SLC8A1: variants seen among roughly 807,000 people sequenced by gnomAD.
SLC8A1 encodes solute carrier family 8 member A1.
Under a neutral mutation model 68.3 loss-of-function variants are expected in SLC8A1, and 18 were observed. That is an observed-to-expected ratio of 0.26 (90% CI 0.18 to 0.39). The LOEUF (loss-of-function observed/expected upper bound fraction) is 0.39. SLC8A1 is among the 10% of genes least tolerant of loss of function. SLC8A1 has a pLI of 1.00. For synonymous variants in SLC8A1, 475 were observed against 415.5 expected, an observed-to-expected ratio of 1.14 and a Z score of -1.74; for missense variants, 985 against 1,156.7, an observed-to-expected ratio of 0.85 and a Z score of 2.15.
At chr2:40,436,821 TAA>T (rs1217996817) in intron 1 of SLC8A1, among the ~76,000 whole-genome samples, 2 of 152,064 alleles carry the variant, frequency 1.3e-5, no homozygotes, top group Non-Finnish European at 2.9e-5. Context: ...AGAAAATAAA[TAA>T]AAAAGAATGT....
At chr2:40,509,509 T>A (rs1223187272) in intron 1 of SLC8A1, among the ~76,000 whole-genome samples, 1 of 151,218 alleles carries the variant, frequency 6.6e-6, no homozygotes, top group African/African-American at 2.4e-5. Flanking sequence ...AATGACCTTT[T>A]CTGTGGGCCA....
At chr2:40,284,255 CTATA>C (rs950342546) in intron 2 of SLC8A1, among the ~76,000 whole-genome samples, 12 of 149,548 alleles carry the variant, frequency 8.0e-5, no homozygotes, top group African/African-American at 2.9e-4. Context: ...ATATTTCTCT[CTATA>C]TATAAATATA....
intron 2 of SLC8A1, among the ~76,000 whole-genome samples, chr2:40,317,260 G>A (rs776341828): frequency 3.2e-4 from 49 of 152,064 alleles, no homozygotes; most frequent in Non-Finnish European, 4.7e-4. Flanking sequence ...GAGACAGACA[G>A]TATCCATCAC....
chr2:40,154,549 G>T (rs1041397329), intron 6 of SLC8A1, among the ~76,000 whole-genome samples: 3 of 143,292 alleles, frequency 2.1e-5, no homozygotes, highest in Non-Finnish European at 3.0e-5. Flanking sequence ...GGATGGTCTC[G>T]ATCTTCTGAC....
chr2:40,237,067 C>G (rs553088165), intron 2 of SLC8A1, among the ~76,000 whole-genome samples: 1 of 151,690 alleles, frequency 6.6e-6, no homozygotes, highest in Non-Finnish European at 1.5e-5. Flanking sequence ...TTTGGTGAAT[C>G]TGACAATTAT....
intron 2 of SLC8A1, among the ~76,000 whole-genome samples, chr2:40,405,473 T>C (rs964397487): frequency 6.6e-6 from 1 of 152,210 alleles, no homozygotes; most frequent in East Asian, 1.9e-4. Context: ...TGTGTCATGA[T>C]CTAACAGTTG....
At chr2:40,285,459 T>C (rs1401771397) in intron 2 of SLC8A1, among the ~76,000 whole-genome samples, 1 of 151,812 alleles carries the variant, frequency 6.6e-6, no homozygotes, top group Non-Finnish European at 1.5e-5. Context: ...TCACATTCTC[T>C]CTCTCTTTCT....
intron 2 of SLC8A1, among the ~76,000 whole-genome samples, chr2:40,359,655 G>C (rs1040323477): frequency 2.0e-5 from 3 of 152,108 alleles, no homozygotes; most frequent in Non-Finnish European, 4.4e-5. Context: ...ACATCAACAG[G>C]CTCTAGTAAT....
chr2:40,233,867 T>C (rs2060008628), intron 2 of SLC8A1, among the ~76,000 whole-genome samples: 1 of 151,650 alleles, frequency 6.6e-6, no homozygotes, highest in Non-Finnish European at 1.5e-5. Flanking sequence ...CTTTCCCCAT[T>C]GCTTGTTTTT....
At chr2:40,448,743 A>T (rs1468547458) in intron 1 of SLC8A1, among the ~76,000 whole-genome samples, 1 of 152,076 alleles carries the variant, frequency 6.6e-6, no homozygotes, top group East Asian at 1.9e-4. Context: ...GGGGTGTATG[A>T]GGTATGGGAG....
At chr2:40,463,869 C>T (rs1254728028) in intron 1 of SLC8A1, among the ~76,000 whole-genome samples, 35 of 147,870 alleles carry the variant, frequency 2.4e-4, no homozygotes, top group African/African-American at 8.5e-4. Context: ...CACACACACA[C>T]ACACACACAC....
intron 2 of SLC8A1, among the ~76,000 whole-genome samples, chr2:40,249,225 GTC>G (rs139552798): frequency 0.017 from 2,638 of 152,168 alleles, 54 homozygotes; most frequent in African/African-American, 0.046. Context: ...TGATTAAAGA[GTC>G]TCTGTTATGA....
At chr2:40,488,130 T>A (rs948651340) in intron 1 of SLC8A1, among the ~76,000 whole-genome samples, 1 of 150,882 alleles carries the variant, frequency 6.6e-6, no homozygotes, top group Admixed American at 6.6e-5. Context: ...GACAGAATAC[T>A]AAAAGTCTTT....
intron 1 of SLC8A1, among the ~76,000 whole-genome samples, chr2:40,430,629 T>C (rs1698066690): frequency 6.6e-6 from 1 of 152,228 alleles, no homozygotes; most frequent in South Asian, 2.1e-4. Flanking sequence ...TAGCCTTGCC[T>C]TATTAAACAC....
At chr2:40,361,396 A>G (rs924314640) in intron 2 of SLC8A1, among the ~76,000 whole-genome samples, 2 of 152,010 alleles carry the variant, frequency 1.3e-5, no homozygotes, top group African/African-American at 4.8e-5. Context: ...GTGGGTCTAT[A>G]TATGAACACT....
intron 2 of SLC8A1, among the ~76,000 whole-genome samples, chr2:40,229,494 T>C (rs2059381606): frequency 6.6e-6 from 1 of 152,172 alleles, no homozygotes; most frequent in Non-Finnish European, 1.5e-5. Context: ...CTCTCTTCTG[T>C]GTTATCTGTG....
chr2:40,255,941 GAAGTGAAT>G (rs67214281), intron 2 of SLC8A1, among the ~76,000 whole-genome samples: 21,451 of 152,022 alleles, frequency 0.14, 1,916 homozygotes, highest in African/African-American at 0.23. Context: ...CATGTATTTA[GAAGTGAAT>G]AACTGAATTT....
At chr2:40,101,991 A>G (rs2033921012) in exon 8 of SLC8A1, 1 of 152,032 alleles carries the variant, frequency 6.6e-6, no homozygotes, top group Non-Finnish European at 1.5e-5. Context: ...CCCTAATTGC[A>G]CTCTGGGGAC....
At chr2:40,147,261 G>T (rs560493445) in intron 6 of SLC8A1, among the ~76,000 whole-genome samples, 1 of 152,260 alleles carries the variant, frequency 6.6e-6, no homozygotes, top group South Asian at 2.1e-4. Flanking sequence ...TGAATTGGGT[G>T]TTCCTAAATT....
Sources: gnomAD v4.1 joint callset for allele counts (sites outside exome capture counted in the v4.1 genomes callset) on GRCh38, gnomAD v4.1.1 for gene constraint, MANE v1.5 for transcripts, NCBI Gene and HGNC (gene_info 2026-07-23, HGNC 2026-07-21) for gene names.